Variants in SLC9A3 observed in about 807,000 individuals in gnomAD.
SLC9A3 encodes sodium/hydrogen exchanger 3.
In SLC9A3, 37 loss-of-function variants were observed where a neutral mutation model predicts 86.8. The observed-to-expected ratio is 0.43, with a 90% CI of 0.33 to 0.56. The LOEUF (loss-of-function observed/expected upper bound fraction) is 0.56. SLC9A3 is among the 20% of genes least tolerant of loss of function. SLC9A3 has a pLI of 0.06. For missense variants in SLC9A3, 1,011 were observed against 1,171.9 expected (o/e 0.86, Z 2.00); for synonymous variants, 581 against 528.3 (o/e 1.10, Z -1.37).
intron 1 of SLC9A3, among the ~76,000 whole-genome samples, chr5:498,538 A>T (rs1270865708): frequency 6.6e-6 from 1 of 152,158 alleles, no homozygotes; most frequent in East Asian, 1.9e-4. Flanking sequence ...AGTAGCTGGG[A>T]TTACAGGCGT....
intron 1 of SLC9A3, among the ~76,000 whole-genome samples, chr5:520,934 G>A (rs79182581): frequency 0.016 from 2,509 of 152,306 alleles, 28 homozygotes; most frequent in Non-Finnish European, 0.026. Context: ...GGTGCAGGGT[G>A]AGGCGGGGAT....
chr5:493,001 C>T (rs558201350), intron 1 of SLC9A3, among the ~76,000 whole-genome samples: 17 of 152,196 alleles, frequency 1.1e-4, no homozygotes, highest in Non-Finnish European at 1.6e-4. Context: ...AGCTTCACCC[C>T]GTCCCCCAGC....
At chr5:507,938 T>TCCACCCCACAGACGCCCGAATCC (rs1460357205) in intron 1 of SLC9A3, among the ~76,000 whole-genome samples, 18 of 27,712 alleles carry the variant, frequency 6.5e-4, no homozygotes, top group Admixed American at 7.8e-4. Flanking sequence ...CGCCCGAATC[T>TCCACCCCACAGACGCCCGAATCC]CCACCCCACA....
intron 10 of SLC9A3, chr5:479,625 C>G: frequency 1.8e-6 from 1 of 560,126 alleles, no homozygotes; most frequent in Non-Finnish European, 3.2e-6. Context: ...ACCAGCACCA[C>G]AGTCACCAGG....
intron 3 of SLC9A3, among the ~76,000 whole-genome samples, 181 bp downstream of exon 3, chr5:488,135 T>C (rs1739555835): frequency 6.6e-6 from 1 of 152,200 alleles, no homozygotes; most frequent in Non-Finnish European, 1.5e-5. Flanking sequence ...CAAAGAAGCC[T>C]CGCGAAAGCT....
Position 491,649 on chromosome 5 carries a change from A to G in SLC9A3, c.514+120T>C. ...TACGGGGCTGCCAGCCACGTTTCTC[A>G]CCTGACACTTACCGCCTGGAGGCCA... On this transcript the variant is annotated intron_variant, in intron 2 of 16. Coordinates refer to ENST00000264938, the MANE Select transcript of SLC9A3 (RefSeq NM_004174.4). The surrounding 1 kb of genome is among the most constrained non-coding windows in gnomAD (Gnocchi z 9.2). 1.1e-6 allele frequency: 1 copy of G among 922,600 alleles called. No individual in the cohort carries two copies. Among genetic ancestry groups the G allele is most frequent in the Non-Finnish European group, 1.6e-6 (1 of 635,294 alleles). 57.2% of individuals were successfully genotyped at this position (922,600 alleles called of 1,614,324 possible).
chr5:520,436 A>G (rs990647535), intron 1 of SLC9A3, among the ~76,000 whole-genome samples: 3 of 152,144 alleles, frequency 2.0e-5, no homozygotes, highest in Non-Finnish European at 4.4e-5. Context: ...TGGGGCCAGG[A>G]GGTCTGGCCC....
intron 1 of SLC9A3, among the ~76,000 whole-genome samples, chr5:492,831 G>A (rs552131186): frequency 2.1e-4 from 32 of 152,290 alleles, no homozygotes; most frequent in Middle Eastern, 3.4e-3. Context: ...AGACCCCTCC[G>A]GAGGGGCCCC....
intron 15 of SLC9A3, 163 bp downstream of exon 15, chr5:475,398 T>G (rs915300577): frequency 1.6e-6 from 1 of 620,144 alleles, no homozygotes; most frequent in Admixed American, 2.9e-5. Flanking sequence ...AGCCTCCGAG[T>G]TGGTTGAGGG....
At chr5:479,062 G>C (rs1355710994) in intron 10 of SLC9A3, 1 of 152,910 alleles carries the variant, frequency 6.5e-6, no homozygotes, top group East Asian at 1.9e-4. Context: ...TGGCAGGACA[G>C]GTCTTTCTCT....
At chr5:490,896 G>C (rs72702705) in intron 2 of SLC9A3, among the ~76,000 whole-genome samples, 28,173 of 152,218 alleles carry the variant, frequency 0.19, 3,372 homozygotes, top group Non-Finnish European at 0.26. Context: ...GTGAGAAGGC[G>C]CCAAGGAACC....
chr5:490,302 CCAGCGTGGCGAGGGGCAGGGGTGGAGTG>C (rs1256079019), intron 2 of SLC9A3, among the ~76,000 whole-genome samples: 58 of 78,850 alleles, frequency 7.4e-4, no homozygotes, highest in African/African-American at 1.5e-3. Flanking sequence ...ACGGTAGAGT[CCAGCGTGGCGAGGGGCAGGGGTGGAGTG>C]CAGCGTGGCG....
chr5:480,651 C>G (rs1739106839), intron 9 of SLC9A3: 2 of 152,320 alleles, frequency 1.3e-5, no homozygotes, highest in Admixed American at 1.3e-4. Flanking sequence ...CGGGATGGCC[C>G]CTGGGAGGCC....
At chr5:521,317 C>A (rs1033489725) in intron 1 of SLC9A3, among the ~76,000 whole-genome samples, 10 of 152,252 alleles carry the variant, frequency 6.6e-5, no homozygotes, top group Non-Finnish European at 1.3e-4. Flanking sequence ...GAGGCCCCAG[C>A]CCCAGTGTTT....
intron 8 of SLC9A3, 93 bp from the exon 9 acceptor site, chr5:481,728 C>T: frequency 1.8e-6 from 2 of 1,086,462 alleles, no homozygotes; most frequent in Non-Finnish European, 2.8e-6. Flanking sequence ...GAGGAACCCA[C>T]CAGCCCCCCT....
At chr5:483,185 A>C in intron 6 of SLC9A3, 77 bp downstream of exon 6, 1 of 1,135,294 alleles carries the variant, frequency 8.8e-7, no homozygotes, top group Non-Finnish European at 1.3e-6. Context: ...CCCTGGGCCC[A>C]GTAGAAAGCC....
chr5:485,236 A>G lies in SLC9A3; in HGVS notation c.676-5T>C, dbSNP rs1739408981. 6.2e-7 allele frequency: 1 copy of G among 1,612,390 alleles called. No individual in the cohort carries two copies. The highest frequency in any genetic ancestry group is 8.5e-7 in the Non-Finnish European group (1 of 1,179,346). The stretch of plus-strand genomic sequence containing the variant: ...TTCAAACACATTGTACAGAACCTGC[A>G]GGGAAAACGGGCAGGGCGTTGGGTG... On this transcript the variant is annotated splice_region_variant and splice_polypyrimidine_tract_variant and intron_variant, in intron 3 of 16. Coordinates refer to ENST00000264938, the MANE Select transcript of SLC9A3 (RefSeq NM_004174.4).
chr5:477,538 G>A, intron 10 of SLC9A3, 94 bp from the exon 11 acceptor site: 3 of 830,118 alleles, frequency 3.6e-6, no homozygotes, highest in East Asian at 2.9e-5. Context: ...AGAGCTCGGG[G>A]CCCGGGGAAA....
intron 1 of SLC9A3, among the ~76,000 whole-genome samples, chr5:495,334 T>G (rs1301664582): frequency 1.3e-5 from 2 of 149,334 alleles, no homozygotes; most frequent in Admixed American, 1.4e-4. Context: ...CAGCTTTGTC[T>G]TTAAAAACAA....
Sources: allele counts gnomAD v4.1 joint callset (sites outside exome capture counted in the v4.1 genomes callset), GRCh38; gene constraint gnomAD v4.1.1; non-coding constraint Gnocchi (gnomAD v3.1); transcripts MANE v1.5; gene names NCBI Gene and HGNC (gene_info 2026-07-23, HGNC 2026-07-21).